HDAC4: variants seen among roughly 807,000 people sequenced by gnomAD.
The protein encoded by HDAC4 is histone deacetylase 4.
A neutral mutation model predicts 135.1 loss-of-function variants in HDAC4; 16 were observed. That is an observed-to-expected ratio of 0.12 (90% confidence interval 0.08 to 0.18). The LOEUF (loss-of-function observed/expected upper bound fraction) is 0.18. HDAC4 is among the 10% of genes least tolerant of loss of function. The pLI, the probability that HDAC4 is intolerant of heterozygous loss-of-function variation, is 1.00. For missense variants in HDAC4, 1,143 were observed against 1,511.8 expected (o/e 0.76, Z 4.05); for synonymous variants, 685 against 653.4 (o/e 1.05, Z -0.74).
At chr2:239,376,977 C>T (rs1349538474) in intron 1 of HDAC4, among the ~76,000 whole-genome samples, 1 of 152,140 alleles carries the variant, frequency 6.6e-6, no homozygotes, top group African/African-American at 2.4e-5. Flanking sequence ...ACGCCCGTCC[C>T]TCCTGGACAT....
rs193244480 is a variant in HDAC4 at position 239,179,021 on chromosome 2, G to A, written c.340-2458C>T. 3.0e-3 allele frequency among the ~76,000 whole-genome samples: 461 copies of A among 151,674 alleles called. 3 individuals carry two copies. Among genetic ancestry groups the A allele is most frequent in the African/African-American group, 0.011 (441 of 41,272 alleles). Reference sequence around the variant, plus strand: ...GAGGCATAGAGTGGGGTGTGTGTGCGAGGCAGCCACCGGACGCCTGAGGCA... The same window carrying A: ...GAGGCATAGAGTGGGGTGTGTGTGCAAGGCAGCCACCGGACGCCTGAGGCA... On this transcript the variant is annotated intron_variant, in intron 4 of 26. Coordinates refer to ENST00000543185, the MANE Select transcript of HDAC4 (RefSeq NM_001378414.1).
chr2:239,066,459 C>T (rs919985383), intron 24 of HDAC4, among the ~76,000 whole-genome samples: 24 of 152,226 alleles, frequency 1.6e-4, no homozygotes, highest in African/African-American at 5.8e-4. Context: ...GGTGCAGTCG[C>T]ACCGCAGAGG....
At chr2:239,377,289 G>A (rs1264970143) in intron 1 of HDAC4, among the ~76,000 whole-genome samples, 1 of 152,204 alleles carries the variant, frequency 6.6e-6, no homozygotes, top group Non-Finnish European at 1.5e-5. Flanking sequence ...CTGCCAGGGC[G>A]CTGTCCACAC....
rs559595987 is a variant in HDAC4, at chr2:239,231,646, C to T, written c.94+4947G>A. ...CCTGAGGTAGGTGTCCTCCCCGAAGCACCCCTCTCCTCAACCGAGGCTGCT... is the reference window on the plus strand; with the variant it reads ...CCTGAGGTAGGTGTCCTCCCCGAAGTACCCCTCTCCTCAACCGAGGCTGCT... On this transcript the variant is annotated intron_variant, in intron 3 of 26. Transcript: ENST00000543185. Among the ~76,000 whole-genome samples the T allele has an allele frequency of 7.5e-5, 5 of 66,654 alleles. No individual in the cohort carries two copies. In the South Asian group the frequency reaches 2.4e-3, roughly 31 times the overall value. The allele number at this position is 66,654 out of a possible 152,430, so 43.7% of individuals were successfully genotyped here. A position where few individuals can be genotyped will look rare whatever the true frequency, so the allele number is the denominator to read the frequency against.
chr2:239,272,968 C>A (rs1272848997), intron 2 of HDAC4, among the ~76,000 whole-genome samples: 1 of 152,186 alleles, frequency 6.6e-6, no homozygotes, highest in Non-Finnish European at 1.5e-5. Flanking sequence ...AGTCAGAGAC[C>A]AGACCTGCAG....
intron 2 of HDAC4, among the ~76,000 whole-genome samples, chr2:239,332,754 A>G (rs1691670905): frequency 6.6e-6 from 1 of 152,002 alleles, no homozygotes; most frequent in South Asian, 2.1e-4. Flanking sequence ...TTTTAAATTC[A>G]ATTTTAAAAA....
At chr2:239,124,173 T>A (rs1464872695) in intron 12 of HDAC4, among the ~76,000 whole-genome samples, 5 of 152,198 alleles carry the variant, frequency 3.3e-5, no homozygotes, top group Admixed American at 2.0e-4. Context: ...TACCATCCAA[T>A]TCACGCTTTT....
intron 2 of HDAC4, among the ~76,000 whole-genome samples, chr2:239,322,310 G>A (rs982445233): frequency 2.6e-4 from 39 of 152,258 alleles, no homozygotes; most frequent in African/African-American, 8.9e-4. Flanking sequence ...TTACACTTCA[G>A]AGCGCAAGCT....
At chr2:239,223,733 G>A (rs2047091245) in intron 3 of HDAC4, among the ~76,000 whole-genome samples, 1 of 152,022 alleles carries the variant, frequency 6.6e-6, no homozygotes, top group African/African-American at 2.4e-5. Context: ...GGCTGTGGAG[G>A]CTGTGCGCTC....
intron 2 of HDAC4, among the ~76,000 whole-genome samples, chr2:239,251,593 CAA>C (rs1209336791): frequency 1.3e-5 from 2 of 151,974 alleles, no homozygotes; most frequent in East Asian, 3.9e-4. Flanking sequence ...AAAATAAAAA[CAA>C]AGAGTTCCAT....
intron 12 of HDAC4, among the ~76,000 whole-genome samples, chr2:239,120,988 T>A (rs1203025845): frequency 7.2e-6 from 1 of 138,662 alleles, no homozygotes; most frequent in Admixed American, 8.2e-5. Context: ...TCTGATGCTT[T>A]CCTTTAAATT....
At chr2:239,286,245 T>C (rs2051128157) in intron 2 of HDAC4, among the ~76,000 whole-genome samples, 2 of 152,062 alleles carry the variant, frequency 1.3e-5, no homozygotes, top group Non-Finnish European at 2.9e-5. Context: ...AAGAACAAAG[T>C]AGACTTTCAA....
At chr2:239,063,630 C>A (rs1041372408) in intron 24 of HDAC4, among the ~76,000 whole-genome samples, 1 of 152,132 alleles carries the variant, frequency 6.6e-6, no homozygotes, top group Non-Finnish European at 1.5e-5. Flanking sequence ...CCTGGCCATG[C>A]GTCCCTCTCT....
intron 14 of HDAC4, among the ~76,000 whole-genome samples, chr2:239,110,937 C>A (rs2038613208): frequency 6.6e-6 from 1 of 152,144 alleles, no homozygotes; most frequent in Non-Finnish European, 1.5e-5. Context: ...GTGGTGGACG[C>A]CTTACTTGCC....
At chr2:239,117,521 G>T (rs1405656580) in intron 12 of HDAC4, among the ~76,000 whole-genome samples, 5 of 147,772 alleles carry the variant, frequency 3.4e-5, no homozygotes, top group Non-Finnish European at 5.9e-5. Flanking sequence ...CAGAGCAAAG[G>T]CTGGAGTTGA....
intron 2 of HDAC4, among the ~76,000 whole-genome samples, chr2:239,261,504 AG>A (rs928786207): frequency 3.3e-5 from 5 of 152,106 alleles, no homozygotes; most frequent in African/African-American, 1.2e-4. Context: ...GGGGCATCCT[AG>A]GACATGACAA....
At chr2:239,236,441 T>C (rs1369125039) in intron 3 of HDAC4, 152 bp downstream of exon 3, 1 of 642,570 alleles carries the variant, frequency 1.6e-6, no homozygotes, top group Non-Finnish European at 2.8e-6. Context: ...TGGCCTCTTT[T>C]ACCACCAGGA....
At chr2:239,148,398 A>G (rs902407285) in intron 7 of HDAC4, among the ~76,000 whole-genome samples, 6 of 152,206 alleles carry the variant, frequency 3.9e-5, no homozygotes, top group Non-Finnish European at 5.9e-5. Context: ...AGCAGGGTGG[A>G]GAAATCATGA....
intron 12 of HDAC4, among the ~76,000 whole-genome samples, chr2:239,125,979 G>C (rs2040158821): frequency 1.3e-5 from 2 of 152,250 alleles, no homozygotes; most frequent in Admixed American, 6.5e-5. Flanking sequence ...ACTCAGGCAG[G>C]CTGCAAGTGC....
Sources: gnomAD v4.1 joint callset for allele counts (sites outside exome capture counted in the v4.1 genomes callset) on GRCh38, gnomAD v4.1.1 for gene constraint, MANE v1.5 for transcripts, NCBI Gene and HGNC (gene_info 2026-07-23, HGNC 2026-07-21) for gene names.